GRM7: variants seen among roughly 807,000 people sequenced by gnomAD.
GRM7 encodes the protein glutamate metabotropic receptor 7.
In GRM7, 35 loss-of-function variants were observed where a neutral mutation model predicts 84.5. The observed-to-expected ratio is 0.41, with a 90% CI of 0.32 to 0.55. The LOEUF is 0.55. Ranked by LOEUF, GRM7 falls within the 20% of genes least tolerant of loss-of-function variation. The pLI, the probability that GRM7 is intolerant of heterozygous loss-of-function variation, is 0.19. For synonymous variants in GRM7, 487 were observed against 455.1 expected (o/e 1.07, Z -0.89); for missense variants, 1,003 against 1,194.6 (o/e 0.84, Z 2.36).
intron 2 of GRM7, among the ~76,000 whole-genome samples, chr3:7,237,038 A>G (rs1260324470): frequency 6.6e-6 from 1 of 152,172 alleles, no homozygotes; most frequent in African/African-American, 2.4e-5. Context: ...CCCGGTCATC[A>G]GTGCTTGTGT....
intron 5 of GRM7, among the ~76,000 whole-genome samples, chr3:7,438,701 A>C (rs1039776279): frequency 6.6e-6 from 1 of 152,158 alleles, no homozygotes; most frequent in Admixed American, 6.6e-5. Context: ...CCTGCCCTTC[A>C]GTCTTCTGCC....
At chr3:7,388,187 T>C (rs2125137419) in intron 4 of GRM7, among the ~76,000 whole-genome samples, 1 of 152,250 alleles carries the variant, frequency 6.6e-6, no homozygotes, top group East Asian at 1.9e-4. Context: ...AAGAGCCTTT[T>C]GGCACAGTCT....
At chr3:7,134,455 CATCAGT>C (rs1236009411) in intron 1 of GRM7, among the ~76,000 whole-genome samples, 2 of 151,984 alleles carry the variant, frequency 1.3e-5, no homozygotes, top group African/African-American at 4.8e-5. Flanking sequence ...TCATCATCAT[CATCAGT>C]AACCATAGAC....
intron 1 of GRM7, among the ~76,000 whole-genome samples, chr3:6,917,363 G>T (rs1299760844): frequency 1.0e-5 from 1 of 99,592 alleles, no homozygotes; most frequent in East Asian, 2.8e-4. Flanking sequence ...TTTCATATAA[G>T]GTTAAATAAA....
chr3:7,412,090 T>G (rs1695964234), intron 4 of GRM7, among the ~76,000 whole-genome samples: 2 of 152,144 alleles, frequency 1.3e-5, no homozygotes, highest in South Asian at 4.2e-4. Flanking sequence ...TTTTTATTAA[T>G]TGCTTCATTC....
At chr3:7,378,471 C>G (rs1187663743) in intron 4 of GRM7, among the ~76,000 whole-genome samples, 1 of 152,080 alleles carries the variant, frequency 6.6e-6, no homozygotes, top group Non-Finnish European at 1.5e-5. Flanking sequence ...AGAAAGAAGT[C>G]CTAAGTATTA....
chr3:6,998,119 CAAAAAAAAAA>C (rs3063449), intron 1 of GRM7, among the ~76,000 whole-genome samples: 1 of 18,432 alleles, frequency 5.4e-5, no homozygotes, highest in African/African-American at 1.8e-4. Flanking sequence ...ATCTCCATCT[CAAAAAAAAAA>C]AAAAAAAAAA....
chr3:7,320,713 T>G (rs961372894), intron 4 of GRM7, among the ~76,000 whole-genome samples: 22 of 151,804 alleles, frequency 1.4e-4, no homozygotes, highest in African/African-American at 5.3e-4. Context: ...TGTGTGTGTG[T>G]GTGTGTGCAA....
chr3:6,913,585 C>T (rs1696845085), intron 1 of GRM7, among the ~76,000 whole-genome samples: 1 of 152,152 alleles, frequency 6.6e-6, no homozygotes, highest in African/African-American at 2.4e-5. Flanking sequence ...TCCAGTAATA[C>T]TGAATTTCTG....
chr3:7,144,011 G>C (rs192139526), intron 1 of GRM7, among the ~76,000 whole-genome samples: 3 of 152,142 alleles, frequency 2.0e-5, no homozygotes, highest in East Asian at 3.9e-4. Flanking sequence ...ATTCTATAAA[G>C]ATATTTGTAT....
chr3:7,116,626 C>G (rs1443064584), intron 1 of GRM7, among the ~76,000 whole-genome samples: 1 of 152,100 alleles, frequency 6.6e-6, no homozygotes, highest in Non-Finnish European at 1.5e-5. Context: ...CTGTACCAAG[C>G]AAAATAAATT....
chr3:7,156,486 C>T (rs1694453641), intron 2 of GRM7, among the ~76,000 whole-genome samples: 1 of 152,160 alleles, frequency 6.6e-6, no homozygotes, highest in Non-Finnish European at 1.5e-5. Context: ...TAAGACACTT[C>T]TATTGAGCTG....
intron 7 of GRM7, among the ~76,000 whole-genome samples, chr3:7,548,969 C>G (rs1693307642): frequency 6.6e-6 from 1 of 152,160 alleles, no homozygotes; most frequent in African/African-American, 2.4e-5. Context: ...CTGTACCTGT[C>G]TGGGGTGTCT....
At chr3:7,634,154 A>G (rs1466540378) in intron 8 of GRM7, among the ~76,000 whole-genome samples, 2 of 152,102 alleles carry the variant, frequency 1.3e-5, no homozygotes, top group Admixed American at 1.3e-4. Flanking sequence ...TTATGCTTGG[A>G]TGACTTGGCT....
chr3:7,046,553 G>T (rs1696814183), intron 1 of GRM7, among the ~76,000 whole-genome samples: 1 of 152,082 alleles, frequency 6.6e-6, no homozygotes, highest in African/African-American at 2.4e-5. Flanking sequence ...CAGTTGTGTT[G>T]TATTTTCTGG....
intron 8 of GRM7, among the ~76,000 whole-genome samples, chr3:7,637,388 G>A (rs145724651): frequency 2.6e-5 from 4 of 152,160 alleles, no homozygotes; most frequent in Non-Finnish European, 5.9e-5. Flanking sequence ...AATGAATCAC[G>A]TCAAGCCAGC....
chr3:7,557,429 A>T (rs1693821547), intron 7 of GRM7, among the ~76,000 whole-genome samples: 1 of 152,192 alleles, frequency 6.6e-6, no homozygotes, highest in Non-Finnish European at 1.5e-5. Context: ...AATTAATGTT[A>T]ATTTCAAATT....
chr3:7,190,584 C>T (rs926444808), intron 2 of GRM7, among the ~76,000 whole-genome samples: 2 of 152,138 alleles, frequency 1.3e-5, no homozygotes, highest in Non-Finnish European at 2.9e-5. Context: ...CTCCTACTAA[C>T]GAGGTGCTTT....
At chr3:7,229,129 T>C (rs922209707) in intron 2 of GRM7, among the ~76,000 whole-genome samples, 7 of 152,142 alleles carry the variant, frequency 4.6e-5, no homozygotes, top group Non-Finnish European at 8.8e-5. Context: ...TTAATCTTCT[T>C]AATGTTAGCT....
Sources: allele counts gnomAD v4.1 joint callset (sites outside exome capture counted in the v4.1 genomes callset), GRCh38; gene constraint gnomAD v4.1.1; transcripts MANE v1.5; gene names NCBI Gene and HGNC (gene_info 2026-07-23, HGNC 2026-07-21).